The following RBM25 variants were observed in gnomAD, a reference collection of about 807,000 sequenced individuals.
The protein encoded by RBM25 is RNA binding motif protein 25.
Under a neutral mutation model 120.7 loss-of-function variants are expected in RBM25, and 19 were observed. The observed-to-expected ratio is 0.16, with a 90% CI of 0.11 to 0.23. RBM25 has a LOEUF of 0.23. Among genes scored for constraint, RBM25 ranks in the 10% least tolerant of loss-of-function variants. The pLI is 1.00. For missense variants in RBM25, 605 were observed against 1,041.5 expected (o/e 0.58, Z 5.77); for synonymous variants, 390 against 326.7 (o/e 1.19, Z -2.09).
chr14:73,121,823 G>C lies in RBM25; in HGVS notation c.*2018G>C, dbSNP rs1413567359. The C allele has an allele frequency of 6.6e-6, 1 of 152,204 alleles. No individual in the cohort carries two copies. The highest frequency in any genetic ancestry group is 1.5e-5 in the Non-Finnish European group (1 of 68,024). The allele number at this position is 152,204 out of a possible 1,614,324, so 9.4% of individuals were successfully genotyped here. On this transcript the variant is annotated 3_prime_UTR_variant, in exon 19 of 19. Coordinates refer to ENST00000261973, the MANE Select transcript of RBM25 (RefSeq NM_021239.3). Reference sequence around the variant, plus strand: ...AAAAACAAGGGAGATGTCGTAATCTGAAACCTTTGGGGAGATGTACTCTGT... The same window carrying C: ...AAAAACAAGGGAGATGTCGTAATCTCAAACCTTTGGGGAGATGTACTCTGT...
intron 13 of RBM25, 92 bp from the exon 14 acceptor site, chr14:73,109,250 G>A: frequency 7.4e-7 from 1 of 1,345,138 alleles, no homozygotes; most frequent in Non-Finnish European, 1.0e-6. Context: ...CATGCAGGTT[G>A]TAATGTTGAA....
chr14:73,078,365 G>A (rs546870304), intron 4 of RBM25, among the ~76,000 whole-genome samples: 217 of 152,040 alleles, frequency 1.4e-3, no homozygotes, highest in African/African-American at 4.9e-3. Context: ...GGTGATGCAC[G>A]CCTGTAGTCC....
intron 2 of RBM25, among the ~76,000 whole-genome samples, chr14:73,073,650 T>C (rs1895345815): frequency 6.6e-6 from 1 of 152,096 alleles, no homozygotes; most frequent in Non-Finnish European, 1.5e-5. Context: ...ATCATGCCAC[T>C]GCACTCCAGC....
chr14:73,099,623 A>G (rs76107386), intron 8 of RBM25, 44 bp from the exon 9 acceptor site: 50,554 of 1,589,212 alleles, frequency 0.032, 982 homozygotes, highest in Middle Eastern at 0.069. Context: ...ATATTGAAGT[A>G]GGGTGTTCTT....
rs1594927507 is a variant in RBM25, at chr14:73,103,457, A to G, written c.1133A>G (p.Asn378Ser). The change falls in exon 10 of 19, where the codon AAT becomes AGT. Residue 378 changes from asparagine (N) to serine (S), a missense_variant. Asn to Ser is a conservative substitution (Grantham distance 46). Transcript: ENST00000261973. ...GATAGAGAAAGGAGCTCAGATCGTA[A>G]TAAGGATCGCAGTCGATCAAGGTAA... The part of the protein sequence containing the change: ...DRDRERSSDR[N>S]KDRSRSREKS... 24 of 1,602,582 alleles carry G rather than the reference A, an allele frequency of 1.5e-5. No individual in the cohort carries two copies. The Middle Eastern group carries it at 3.7e-3, about 245-fold the overall frequency.
chr14:73,064,684 C>T (rs1219013900), intron 1 of RBM25, among the ~76,000 whole-genome samples: 2 of 151,162 alleles, frequency 1.3e-5, no homozygotes, highest in East Asian at 1.9e-4. Flanking sequence ...TGAGCCACCG[C>T]GCCCAGGAGA....
rs771247200 is a variant in RBM25 at position 73,109,319 on chromosome 14, C to G, written c.1542-23C>G. On this transcript the variant is annotated intron_variant, in intron 13 of 18. Transcript: ENST00000261973. ...TCAATGATCGGAGTATTAAATGAAG[C>G]CTTTTATCATTCACTTTTACAGAGG... 7.5e-6 allele frequency: 12 copies of G among 1,604,236 alleles called. No individual in the cohort carries two copies. In the East Asian group the frequency reaches 8.9e-5, roughly 12 times the overall value.
intron 18 of RBM25, among the ~76,000 whole-genome samples, chr14:73,119,454 A>T (rs1021011640): frequency 4.6e-5 from 7 of 152,090 alleles, no homozygotes; most frequent in African/African-American, 1.4e-4. Context: ...TTTAGTAGAG[A>T]TGGGGTTTCA....
chr14:73,076,154 G>A (rs927808550), intron 2 of RBM25, among the ~76,000 whole-genome samples, 165 bp from the exon 3 acceptor site: 2 of 152,120 alleles, frequency 1.3e-5, no homozygotes, highest in Non-Finnish European at 2.9e-5. Context: ...GGACCAACCT[G>A]ATACCACATT....
At chr14:73,084,366 T>C (rs1377258486) in intron 5 of RBM25, among the ~76,000 whole-genome samples, 1 of 152,230 alleles carries the variant, frequency 6.6e-6, no homozygotes, top group African/African-American at 2.4e-5. Context: ...TTATTCTATT[T>C]CTAATTTTCC....
At chr14:73,094,552 A>G (rs959843947) in intron 6 of RBM25, among the ~76,000 whole-genome samples, 1 of 151,662 alleles carries the variant, frequency 6.6e-6, no homozygotes, top group Non-Finnish European at 1.5e-5. Context: ...GGTTCAAGCC[A>G]TTCTCCTGCC....
intron 6 of RBM25, among the ~76,000 whole-genome samples, chr14:73,094,810 G>GGTGTGTGTGTGTGTGTGT (rs60336075): frequency 6.9e-6 from 1 of 145,168 alleles, no homozygotes; most frequent in East Asian, 2.1e-4. Context: ...ACAGGAGCGA[G>GGTGTGTGTGTGTGTGTGT]GTGTGTGTGT....
chr14:73,097,293 G>A (rs868053217), intron 7 of RBM25, among the ~76,000 whole-genome samples, 193 bp downstream of exon 7: 1 of 140,530 alleles, frequency 7.1e-6, no homozygotes, highest in Non-Finnish European at 1.5e-5. Context: ...CTCCGCCTCC[G>A]GGGTTCGAGC....
At chr14:73,061,573 T>G (rs909231956) in intron 1 of RBM25, among the ~76,000 whole-genome samples, 8 of 151,248 alleles carry the variant, frequency 5.3e-5, no homozygotes, top group Non-Finnish European at 1.2e-4. Flanking sequence ...GCTGCTTTTT[T>G]GTTTTATTTG....
At chr14:73,076,447 T>C in intron 3 of RBM25, 79 bp downstream of exon 3, 1 of 1,265,318 alleles carries the variant, frequency 7.9e-7, no homozygotes, top group Non-Finnish European at 1.1e-6. Flanking sequence ...TAAACTTAGA[T>C]AAATTATGAG....
chr14:73,073,856 A>ATT (rs1291962069), intron 2 of RBM25, among the ~76,000 whole-genome samples: 14 of 152,214 alleles, frequency 9.2e-5, no homozygotes, highest in African/African-American at 3.4e-4. Flanking sequence ...CAGAAGAGTA[A>ATT]TGTAAAAGTT....
At chr14:73,069,746 TAAAAAAAAAAAAAAAAAAAAAAAAA>T (rs57669015) in intron 1 of RBM25, 1 of 44,154 alleles carries the variant, frequency 2.3e-5, no homozygotes, top group Admixed American at 4.6e-4. Flanking sequence ...CCCTGTTTCT[TAAAAAAAAAAAAAAAAAAAAAAAAA>T]AAAAAAAAGT....
rs1896256148 is a variant in RBM25, at chr14:73,109,324, TATC to T, written c.1542-15_1542-13del. On this transcript the variant is annotated splice_polypyrimidine_tract_variant and intron_variant, in intron 13 of 18. Coordinates refer to ENST00000261973, the MANE Select transcript of RBM25 (RefSeq NM_021239.3). ...GATCGGAGTATTAAATGAAGCCTTT[TATC>T]ATTCACTTTTACAGAGGAAGTGCTC... 2.5e-6 allele frequency: 4 copies of T among 1,607,180 alleles called. No individual in the cohort carries two copies. Among genetic ancestry groups the T allele is most frequent in the African/African-American group, 1.3e-5 (1 of 74,474 alleles).
intron 5 of RBM25, among the ~76,000 whole-genome samples, 199 bp from the exon 6 acceptor site, chr14:73,087,802 T>C (rs987661784): frequency 9.2e-5 from 14 of 152,230 alleles, no homozygotes; most frequent in African/African-American, 3.4e-4. Flanking sequence ...TCTCTGTTTT[T>C]CCCTTTTTTT....
Sources: allele counts gnomAD v4.1 joint callset (sites outside exome capture counted in the v4.1 genomes callset), GRCh38; gene constraint gnomAD v4.1.1; transcripts MANE v1.5; gene names NCBI Gene and HGNC (gene_info 2026-07-23, HGNC 2026-07-21).